Variants in EPHA5 observed in about 807,000 individuals in gnomAD.
EPHA5 encodes ephrin type-A receptor 5.
In EPHA5, 60 loss-of-function variants were observed where a neutral mutation model predicts 105.0. The ratio of observed to expected loss-of-function variants is 0.57; its 90% CI spans 0.46 to 0.71. EPHA5 has a LOEUF of 0.71. EPHA5 is among the 30% of genes least tolerant of loss of function. The pLI, the probability that EPHA5 is intolerant of heterozygous loss-of-function variation, is 0.00. For missense variants in EPHA5, 1,218 were observed against 1,274.7 expected (o/e 0.96, Z 0.68); for synonymous variants, 513 against 449.1 (o/e 1.14, Z -1.80).
rs138215922 is a variant in EPHA5 at position 65,391,728 on chromosome 4, A to C, written c.1793+12646T>G. ...CTGGAGTGCCAGCCTGTACTCTTTC[A>C]GATAGGGATCACATTCTTAGAGAAA... On this transcript the variant is annotated intron_variant, in intron 8 of 16. Coordinates refer to ENST00000613740, the MANE Select transcript of EPHA5 (RefSeq NM_001281766.3). Among the ~76,000 whole-genome samples the C allele has an allele frequency of 3.6e-3, 554 of 152,250 alleles. 4 individuals carry two copies. Among genetic ancestry groups the C allele is most frequent in the African/African-American group, 0.012 (518 of 41,552 alleles).
intron 3 of EPHA5, among the ~76,000 whole-genome samples, chr4:65,538,471 C>A (rs985092121): frequency 3.2e-4 from 48 of 151,870 alleles, no homozygotes; most frequent in African/African-American, 8.9e-4. Flanking sequence ...TTCCAAAAGT[C>A]ATCGTGCCTT....
chr4:65,567,127 A>C (rs1172425289), intron 3 of EPHA5, among the ~76,000 whole-genome samples: 1 of 151,676 alleles, frequency 6.6e-6, no homozygotes, highest in Non-Finnish European at 1.5e-5. Context: ...GCAAACCAAA[A>C]AACAATCTTT....
chr4:65,395,802 A>G (rs1317244375), intron 8 of EPHA5, among the ~76,000 whole-genome samples: 1 of 152,258 alleles, frequency 6.6e-6, no homozygotes, highest in Non-Finnish European at 1.5e-5. Context: ...TAAATTTATC[A>G]TCTAAGGAAC....
chr4:65,358,801 A>G (rs1723549769), intron 11 of EPHA5, among the ~76,000 whole-genome samples: 2 of 151,608 alleles, frequency 1.3e-5, no homozygotes, highest in Non-Finnish European at 3.0e-5. Context: ...CACCTGAGAC[A>G]GGAGCATGGA....
chr4:65,429,601 T>C (rs1472288332), intron 5 of EPHA5, among the ~76,000 whole-genome samples: 2 of 152,068 alleles, frequency 1.3e-5, no homozygotes, highest in Non-Finnish European at 2.9e-5. Context: ...ACCTATTCAT[T>C]TTCCTTTCTC....
At chr4:65,351,704 T>C in intron 12 of EPHA5, 106 bp from the exon 13 acceptor site, 1 of 928,422 alleles carries the variant, frequency 1.1e-6, no homozygotes, top group Admixed American at 2.3e-5. Flanking sequence ...GTCGCTAAAA[T>C]TCATATGCAA....
chr4:65,350,142 T>C (rs1158341194), intron 13 of EPHA5, among the ~76,000 whole-genome samples: 1 of 152,110 alleles, frequency 6.6e-6, no homozygotes, highest in Non-Finnish European at 1.5e-5. Context: ...ATAACCTCAA[T>C]CTTGATCAGG....
intron 3 of EPHA5, among the ~76,000 whole-genome samples, chr4:65,517,408 ATATT>A (rs1734209328): frequency 6.6e-6 from 1 of 151,852 alleles, no homozygotes; most frequent in African/African-American, 2.4e-5. Context: ...TTTATTCAGA[ATATT>A]CATTTATTTT....
chr4:65,320,405 G>T lies in EPHA5; in HGVS notation c.*3709C>A, dbSNP rs1421705186. ...TGCTTAATTTGAAGTTAAACATCTG[G>T]CAGGACATTAGCAAAGACAGTTTAC... On this transcript the variant is annotated 3_prime_UTR_variant, in exon 17 of 17. Transcript: ENST00000613740. 1 of 229,578 alleles carries T rather than the reference G, an allele frequency of 4.4e-6. No homozygotes were observed. Among genetic ancestry groups the T allele is most frequent in the Non-Finnish European group, 8.6e-6 (1 of 115,928 alleles). 14.2% of individuals were successfully genotyped at this position (229,578 alleles called of 1,614,324 possible).
intron 3 of EPHA5, among the ~76,000 whole-genome samples, chr4:65,589,194 C>T (rs1284268103): frequency 6.6e-6 from 1 of 152,012 alleles, no homozygotes; most frequent in Non-Finnish European, 1.5e-5. Context: ...TGAAGGAAAT[C>T]CAACTAAAAC....
intron 3 of EPHA5, among the ~76,000 whole-genome samples, chr4:65,568,398 TA>T (rs1168130545): frequency 2.0e-5 from 3 of 151,520 alleles, no homozygotes; most frequent in South Asian, 2.1e-4. Context: ...TCCTGTGATA[TA>T]AAAAAATTAG....
chr4:65,481,056 C>T (rs913034787), intron 5 of EPHA5, among the ~76,000 whole-genome samples: 1 of 152,050 alleles, frequency 6.6e-6, no homozygotes, highest in Admixed American at 6.6e-5. Flanking sequence ...TTGTGCTCAC[C>T]TCAAATCATA....
At chr4:65,560,812 A>G (rs949792971) in intron 3 of EPHA5, among the ~76,000 whole-genome samples, 1 of 152,124 alleles carries the variant, frequency 6.6e-6, no homozygotes, top group African/African-American at 2.4e-5. Context: ...GATAAACAAA[A>G]TAATATAGAA....
chr4:65,321,757 G>A lies in EPHA5; in HGVS notation c.*2357C>T, dbSNP rs144004477. 665 of 227,762 alleles carry A rather than the reference G, an allele frequency of 2.9e-3. 11 individuals carry two copies. The East Asian group carries it at 0.038, about 13-fold the overall frequency. 14.1% of individuals were successfully genotyped at this position (227,762 alleles called of 1,614,324 possible). On this transcript the variant is annotated 3_prime_UTR_variant, in exon 17 of 17. Transcript: ENST00000613740. The stretch of plus-strand genomic sequence containing the variant: ...CTAGTCATTTAGATACACTCCACCC[G>A]GACCTCCTAATTATCTTTCAGCATA...
rs150044770 is a variant in EPHA5, at chr4:65,424,223, G to A, written c.1403-3658C>T. On this transcript the variant is annotated intron_variant, in intron 5 of 16. Coordinates refer to ENST00000613740, the MANE Select transcript of EPHA5 (RefSeq NM_001281766.3). Reference sequence around the variant, plus strand: ...CTAATATCCCAATGACACAAACAATGATATCAATGATATACAAAATCCTGT... The same window carrying A: ...CTAATATCCCAATGACACAAACAATAATATCAATGATATACAAAATCCTGT... Among the ~76,000 whole-genome samples the A allele has an allele frequency of 5.8e-3, 889 of 152,086 alleles. 5 individuals are homozygous for A. The highest frequency in any genetic ancestry group is 0.031 in the Middle Eastern group (9 of 294).
chr4:65,442,722 A>G (rs1470473212), intron 5 of EPHA5, among the ~76,000 whole-genome samples: 1 of 152,252 alleles, frequency 6.6e-6, no homozygotes, highest in African/African-American at 2.4e-5. Flanking sequence ...GAATAAAATT[A>G]CATATGCCCA....
chr4:65,569,033 T>C (rs1416825488), intron 3 of EPHA5, among the ~76,000 whole-genome samples: 1 of 151,426 alleles, frequency 6.6e-6, no homozygotes, highest in Non-Finnish European at 1.5e-5. Context: ...TTTAGCTCAC[T>C]ATTTTATTTC....
chr4:65,398,606 T>C (rs538234844), intron 8 of EPHA5, among the ~76,000 whole-genome samples: 31 of 152,246 alleles, frequency 2.0e-4, no homozygotes, highest in African/African-American at 6.3e-4. Context: ...CTGCCCACAG[T>C]CCACTCAACA....
chr4:65,537,698 A>T (rs1018838734), intron 3 of EPHA5, among the ~76,000 whole-genome samples: 4 of 151,758 alleles, frequency 2.6e-5, no homozygotes, highest in African/African-American at 9.7e-5. Context: ...TTGAGAAATT[A>T]TATAGTGGGA....
Sources: gnomAD v4.1 joint callset for allele counts (sites outside exome capture counted in the v4.1 genomes callset) on GRCh38, gnomAD v4.1.1 for gene constraint, MANE v1.5 for transcripts, NCBI Gene and HGNC (gene_info 2026-07-23, HGNC 2026-07-21) for gene names.